Variants in VAV1 observed in about 807,000 individuals in gnomAD.
VAV1 encodes the protein vav guanine nucleotide exchange factor 1.
In VAV1, 33 loss-of-function variants were observed where a neutral mutation model predicts 128.1. The ratio of observed to expected loss-of-function variants is 0.26; its 90% CI spans 0.20 to 0.34. The LOEUF (loss-of-function observed/expected upper bound fraction) is 0.34, where lower values mean the gene tolerates loss of function less well. Among genes scored for constraint, VAV1 ranks in the 10% least tolerant of loss-of-function variants. The pLI is 1.00. For synonymous variants in VAV1, 394 were observed against 409.8 expected, an observed-to-expected ratio of 0.96 and a Z score of 0.47; for missense variants, 715 against 1,093.7, an observed-to-expected ratio of 0.65 and a Z score of 4.88.
In VAV1 at chr19:6,844,063, C is replaced by CTTTTTTTTTTTTT. The variant is rs71177123; in HGVS notation, c.2012+926_2012+938dup. 3.8e-3 allele frequency among the ~76,000 whole-genome samples: 81 copies of CTTTTTTTTTTTTT among 21,326 alleles called. 30 individuals are homozygous for CTTTTTTTTTTTTT. Among genetic ancestry groups the CTTTTTTTTTTTTT allele is most frequent in the African/African-American group, 7.2e-3 (59 of 8,152 alleles). 14.0% of individuals were successfully genotyped at this position (21,326 alleles called of 152,430 possible). On this transcript the variant is annotated intron_variant, in intron 22 of 26. Transcript: ENST00000602142. ...ACTTTCTTCTTTTCTTCTTCTTCTT[C>CTTTTTTTTTTTTT]TTTTTTTTTTTTTTTTTTTTTTTTT...
chr19:6,847,739 C>A (rs562816294), intron 22 of VAV1, among the ~76,000 whole-genome samples: 33 of 152,228 alleles, frequency 2.2e-4, no homozygotes, highest in African/African-American at 7.5e-4. Context: ...CCCAGCCAGA[C>A]CCAAAGGGCT....
In VAV1 at chr19:6,825,308, G is replaced by A. The variant is rs754272718; in HGVS notation, c.729G>A (p.Leu243=). ...TCACCCTTCCCTCCGAGTAGGACCT[G>A]CTTCGTGTTCATACTCACTTCCTAA... ...IEIIFINIED[L]LRVHTHFLKE... The change falls in exon 8 of 27, where the codon CTG becomes CTA. Residue 243 remains leucine (L), a synonymous_variant. Transcript: ENST00000602142. 6.2e-7 allele frequency: 1 copy of A among 1,611,960 alleles called. No homozygotes were observed. Among genetic ancestry groups the A allele is most frequent in the South Asian group, 1.1e-5 (1 of 91,012 alleles).
At chr19:6,825,157 C>T in intron 7 of VAV1, 36 bp downstream of exon 7, 1 of 1,602,008 alleles carries the variant, frequency 6.2e-7, no homozygotes, top group Non-Finnish European at 8.5e-7. Context: ...TTGGGTCTGT[C>T]TAGTGCGGAT....
chr19:6,786,370 G>T (rs903905616), intron 1 of VAV1, among the ~76,000 whole-genome samples: 23 of 152,146 alleles, frequency 1.5e-4, no homozygotes, highest in Non-Finnish European at 2.2e-4. Flanking sequence ...GCTGAGATGG[G>T]AGGATCGCTT....
intron 1 of VAV1, among the ~76,000 whole-genome samples, chr19:6,819,501 G>A (rs1971736679): frequency 6.6e-6 from 1 of 152,206 alleles, no homozygotes; most frequent in Admixed American, 6.5e-5. Flanking sequence ...CACTGAGCAT[G>A]TTTTTAAGGT....
intron 1 of VAV1, among the ~76,000 whole-genome samples, chr19:6,806,191 A>G (rs1175011224): frequency 6.6e-6 from 1 of 152,052 alleles, no homozygotes; most frequent in African/African-American, 2.4e-5. Context: ...GGTTCAAGCA[A>G]TTCTCCTGCT....
chr19:6,832,545 T>C (rs915723605), intron 15 of VAV1, among the ~76,000 whole-genome samples: 58 of 70,372 alleles, frequency 8.2e-4, no homozygotes, highest in Admixed American at 3.4e-3. Context: ...CTTCCTCTTC[T>C]TCTTCCTCCT....
intron 1 of VAV1, among the ~76,000 whole-genome samples, chr19:6,815,676 C>T (rs980511475): frequency 6.6e-6 from 1 of 152,218 alleles, no homozygotes; most frequent in Admixed American, 6.5e-5. Context: ...TGGTTACGCA[C>T]AGGCTTGGAA....
At chr19:6,800,615 T>TTTTTG (rs1469839273) in intron 1 of VAV1, among the ~76,000 whole-genome samples, 1 of 142,948 alleles carries the variant, frequency 7.0e-6, no homozygotes, top group East Asian at 2.1e-4. Flanking sequence ...CAGCTTCTTT[T>TTTTTG]TTTTGTTTTG....
chr19:6,814,052 C>A (rs1481253245), intron 1 of VAV1, among the ~76,000 whole-genome samples: 3 of 151,880 alleles, frequency 2.0e-5, no homozygotes. Context: ...AGAGTGATAC[C>A]CTGTCTCTAA....
intron 1 of VAV1, among the ~76,000 whole-genome samples, chr19:6,814,492 C>A (rs1971578838): frequency 6.6e-6 from 1 of 151,910 alleles, no homozygotes; most frequent in African/African-American, 2.4e-5. Context: ...ACTTAGTACA[C>A]TTTGTATACT....
chr19:6,814,670 TC>T (rs1284133645), intron 1 of VAV1, among the ~76,000 whole-genome samples: 5 of 98,126 alleles, frequency 5.1e-5, no homozygotes, highest in East Asian at 2.6e-4. Flanking sequence ...CTTCCTTCCT[TC>T]CTTTCTTTCT....
In VAV1 at chr19:6,829,880, G is replaced by A. The variant is rs746012151; in HGVS notation, c.1360G>A (p.Val454Ile). 17 of 1,614,206 alleles carry A rather than the reference G, an allele frequency of 1.1e-5. No homozygotes were observed. Among genetic ancestry groups the A allele is most frequent in the Non-Finnish European group, 1.4e-5 (17 of 1,180,030 alleles). Residue 454 changes from valine to isoleucine, a missense_variant, in exon 14 of 27, where the codon GTT (valine) becomes ATT (isoleucine). Val to Ile is a conservative substitution (Grantham distance 29). Around this residue, in one of 3 missense-constraint regions of VAV1, gnomAD observed 407 missense variants for 580.6 expected, o/e 0.70. Transcript: ENST00000602142. ...CTTTGTAAACCTGCACAGCTTCCAG[G>A]TTCGGGATGACTCTTCAGGAGACCG... ...KDFVNLHSFQ[V>I]RDDSSGDRDN...
At chr19:6,797,629 G>A (rs573836639) in intron 1 of VAV1, among the ~76,000 whole-genome samples, 13 of 151,968 alleles carry the variant, frequency 8.6e-5, no homozygotes, top group African/African-American at 2.9e-4. Context: ...TTTGAACCCC[G>A]GGGGCAGAGG....
intron 8 of VAV1, among the ~76,000 whole-genome samples, chr19:6,825,975 G>A (rs2144778093): frequency 6.6e-6 from 1 of 152,156 alleles, no homozygotes; most frequent in East Asian, 1.9e-4. Context: ...CCCGGGAGGC[G>A]GAGGTTGCAG....
At chr19:6,852,838 G>T (rs1972701633) in intron 24 of VAV1, 127 bp from the exon 25 acceptor site, 1 of 651,756 alleles carries the variant, frequency 1.5e-6, no homozygotes, top group Non-Finnish European at 2.7e-6. Flanking sequence ...TATTCAAGGG[G>T]TCACTTTCCA....
chr19:6,857,148 T>G lies in VAV1; in HGVS notation c.*41T>G. On this transcript the variant is annotated 3_prime_UTR_variant, in exon 27 of 27. Coordinates refer to ENST00000602142, the MANE Select transcript of VAV1 (RefSeq NM_005428.4). ...CAGAGAGACGAGAAACTCCAGGCTC[T>G]GAGCCCGGCGTGGGCAGGCAGCGGA... is the stretch of plus-strand genomic sequence containing the variant. 6.2e-7 allele frequency: 1 copy of G among 1,613,076 alleles called. No individual in the cohort carries two copies.
intron 13 of VAV1, 134 bp from the exon 14 acceptor site, chr19:6,829,652 A>G (rs1317735330): frequency 1.5e-6 from 2 of 1,320,212 alleles, no homozygotes; most frequent in African/African-American, 2.9e-5. Context: ...GTCAGGATGG[A>G]CAGGTGGGCA....
At chr19:6,805,731 A>G (rs1971382724) in intron 1 of VAV1, among the ~76,000 whole-genome samples, 1 of 150,940 alleles carries the variant, frequency 6.6e-6, no homozygotes, top group Non-Finnish European at 1.5e-5. Flanking sequence ...AAATAATTAT[A>G]CAGCTCACAC....
Sources: allele counts gnomAD v4.1 joint callset (sites outside exome capture counted in the v4.1 genomes callset), GRCh38; gene constraint gnomAD v4.1.1; regional missense constraint gnomAD v4.1.1; transcripts MANE v1.5; gene names NCBI Gene and HGNC (gene_info 2026-07-23, HGNC 2026-07-21).